The following KCNMA1 variants were observed in gnomAD, a reference collection of about 807,000 sequenced individuals.
KCNMA1 encodes Calcium-activated potassium channel subunit alpha-1.
A neutral mutation model predicts 140.0 loss-of-function variants in KCNMA1; 29 were observed. That is an observed-to-expected ratio of 0.21 (90% CI 0.15 to 0.28). KCNMA1 has a LOEUF of 0.28. Among genes scored for constraint, KCNMA1 ranks in the 10% least tolerant of loss-of-function variants. KCNMA1 has a pLI of 1.00. For missense variants in KCNMA1, 880 were observed against 1,602.2 expected (o/e 0.55, Z 7.70); for synonymous variants, 612 against 611.9 (o/e 1.00, Z 0.00).
chr10:77,050,772 G>A (rs922819687), intron 14 of KCNMA1, among the ~76,000 whole-genome samples: 1 of 152,136 alleles, frequency 6.6e-6, no homozygotes, highest in Non-Finnish European at 1.5e-5. Flanking sequence ...GATGCCTTGA[G>A]GACAAGAGAT....
In KCNMA1 at chr10:77,108,837, T is replaced by C. The variant is rs1034893943; in HGVS notation, c.1132-265A>G. On this transcript the variant is annotated intron_variant, in intron 8 of 27. Coordinates refer to ENST00000286628, the MANE Select transcript of KCNMA1 (RefSeq NM_001161352.2). The surrounding 1 kb of genome is among the most constrained non-coding windows in gnomAD (Gnocchi z 4.6). ...GAGAAAAATACAAAGGCGACAGGAATAAATAAGGTGATATCTAGTTCTTCT... is the reference window on the plus strand; with the variant it reads ...GAGAAAAATACAAAGGCGACAGGAACAAATAAGGTGATATCTAGTTCTTCT... Among the ~76,000 whole-genome samples the C allele has an allele frequency of 2.0e-5, 3 of 151,468 alleles. No individual in the cohort carries two copies. The highest frequency in any genetic ancestry group is 7.3e-5 in the African/African-American group (3 of 41,188).
chr10:77,482,495 G>A (rs1358275129), intron 1 of KCNMA1, among the ~76,000 whole-genome samples: 1 of 152,226 alleles, frequency 6.6e-6, no homozygotes, highest in Non-Finnish European at 1.5e-5. Context: ...CCACGCAGCA[G>A]AAACAAAGCT....
intron 2 of KCNMA1, among the ~76,000 whole-genome samples, chr10:77,397,707 CCGT>C (rs1485185930): frequency 1.3e-5 from 2 of 152,138 alleles, no homozygotes; most frequent in African/African-American, 2.4e-5. Context: ...TTTAGTGTAA[CCGT>C]CATCCAAATA....
At chr10:77,580,122 C>G (rs2075416939) in intron 1 of KCNMA1, among the ~76,000 whole-genome samples, 2 of 152,156 alleles carry the variant, frequency 1.3e-5, no homozygotes, top group African/African-American at 4.8e-5. Flanking sequence ...TGGCTCATGC[C>G]TGTAATCCCA....
At chr10:77,270,050 A>C (rs1258970806) in intron 2 of KCNMA1, among the ~76,000 whole-genome samples, 2 of 152,158 alleles carry the variant, frequency 1.3e-5, no homozygotes, top group African/African-American at 4.8e-5. Flanking sequence ...AAGCAAGCAC[A>C]GCCCTCTCAC....
At chr10:77,424,285 T>C (rs1172992854) in intron 1 of KCNMA1, among the ~76,000 whole-genome samples, 1 of 152,246 alleles carries the variant, frequency 6.6e-6, no homozygotes, top group Non-Finnish European at 1.5e-5. Context: ...TAAAGCATTA[T>C]ATGCCAAGTA....
At chr10:76,957,401 CTGAT>C (rs1195782836) in intron 20 of KCNMA1, among the ~76,000 whole-genome samples, 1 of 152,074 alleles carries the variant, frequency 6.6e-6, no homozygotes, top group Non-Finnish European at 1.5e-5. Flanking sequence ...ATGGATTAAA[CTGAT>C]TGAGTATGAC....
downstream of KCNMA1, among the ~76,000 whole-genome samples, chr10:76,880,894 TGGGA>T (rs1188957299): frequency 1.3e-5 from 2 of 151,924 alleles, no homozygotes; most frequent in Non-Finnish European, 2.9e-5. Flanking sequence ...TTGATCGGGG[TGGGA>T]GGGCTTCCTC....
intron 12 of KCNMA1, chr10:77,079,858 G>T: frequency 2.3e-6 from 1 of 437,504 alleles, no homozygotes. Context: ...GATCATAGGG[G>T]ATTGAAATGC....
intron 5 of KCNMA1, among the ~76,000 whole-genome samples, chr10:77,176,574 C>T (rs1479241878): frequency 6.6e-6 from 1 of 152,092 alleles, no homozygotes; most frequent in Non-Finnish European, 1.5e-5. Context: ...GAAGCATGGC[C>T]CCAAAGGGCC....
intron 2 of KCNMA1, among the ~76,000 whole-genome samples, chr10:77,398,521 C>A (rs1394349757): frequency 1.3e-5 from 2 of 152,140 alleles, no homozygotes; most frequent in African/African-American, 2.4e-5. Flanking sequence ...CTATTCATAT[C>A]TTTTGCCCAC....
chr10:76,967,756 C>CA (rs2074506725), intron 20 of KCNMA1, among the ~76,000 whole-genome samples: 1 of 152,150 alleles, frequency 6.6e-6, no homozygotes, highest in Admixed American at 6.5e-5. Flanking sequence ...AGCAGCAGCC[C>CA]AAAGGCAACC....
intron 2 of KCNMA1, among the ~76,000 whole-genome samples, chr10:77,399,731 G>T (rs1328419125): frequency 2.0e-5 from 3 of 152,222 alleles, no homozygotes; most frequent in African/African-American, 4.8e-5. Context: ...ATTGAGCTCT[G>T]CATCCTTATA....
At chr10:76,902,209 G>A (rs112674153) in intron 25 of KCNMA1, 1 of 152,214 alleles carries the variant, frequency 6.6e-6, no homozygotes, top group South Asian at 2.1e-4. Context: ...TACCAAAGGC[G>A]CTTCCTGCGG....
intron 1 of KCNMA1, among the ~76,000 whole-genome samples, chr10:77,565,021 A>G (rs1013886768): frequency 1.3e-5 from 2 of 152,216 alleles, no homozygotes; most frequent in African/African-American, 4.8e-5. Context: ...AGTCAGGCAG[A>G]CGGTGAGAAG....
chr10:77,142,722 T>C (rs1293899089), intron 5 of KCNMA1, among the ~76,000 whole-genome samples: 5 of 152,160 alleles, frequency 3.3e-5, no homozygotes, highest in Non-Finnish European at 7.3e-5. Flanking sequence ...ACACCTAAAG[T>C]TGTCTGGAAA....
intron 23 of KCNMA1, among the ~76,000 whole-genome samples, chr10:76,918,615 C>G (rs2053954867): frequency 6.6e-6 from 1 of 152,094 alleles, no homozygotes; most frequent in Non-Finnish European, 1.5e-5. Context: ...ATGCGGTGAA[C>G]AGAGAACACC....
rs1440789659 is a variant in KCNMA1, at chr10:76,949,192, T to G, written c.2659A>C (p.Lys887Gln). The change falls in exon 22 of 28, where the codon AAG (lysine) becomes CAG (glutamine). Residue 887 changes from lysine to glutamine, a missense_variant. Transcript: ENST00000286628. The part of the protein sequence containing the change: ...IVFVGSIEYL[K>Q]REWETLHNFP... ...TTATGAAGCGTCTCCCATTCCCGCT[T>G]GAGGTACTCAATAGAGCCCACAAAC... 6.2e-7 allele frequency: 1 copy of G among 1,614,226 alleles called. No homozygotes were observed. The highest frequency in any genetic ancestry group is 2.2e-5 in the East Asian group (1 of 44,888).
intron 2 of KCNMA1, among the ~76,000 whole-genome samples, chr10:77,342,344 T>C (rs892120169): frequency 2.0e-5 from 3 of 152,240 alleles, no homozygotes; most frequent in African/African-American, 7.2e-5. Flanking sequence ...ATCTGACGCC[T>C]ACCCTGTGAG....
Sources: gnomAD v4.1 joint callset for allele counts (sites outside exome capture counted in the v4.1 genomes callset) on GRCh38, gnomAD v4.1.1 for gene constraint, Gnocchi (gnomAD v3.1) non-coding constraint, MANE v1.5 for transcripts, NCBI Gene and HGNC (gene_info 2026-07-23, HGNC 2026-07-21) for gene names.